Variants in SASH1 observed in about 807,000 individuals in gnomAD.
SASH1 encodes the protein SAM and SH3 domain-containing protein 1.
A neutral mutation model predicts 125.2 loss-of-function variants in SASH1; 44 were observed. The ratio of observed to expected loss-of-function variants is 0.35; its 90% CI spans 0.28 to 0.45. The LOEUF (loss-of-function observed/expected upper bound fraction) is 0.45, where lower values mean the gene tolerates loss of function less well. Ranked by LOEUF, SASH1 falls within the 20% of genes least tolerant of loss-of-function variation. The pLI is 1.00. For synonymous variants in SASH1, 639 were observed against 649.1 expected (o/e 0.98, Z 0.24); for missense variants, 1,426 against 1,614.5 (o/e 0.88, Z 2.00).
intron 7 of SASH1, among the ~76,000 whole-genome samples, chr6:148,486,161 C>G (rs1011522796): frequency 2.6e-5 from 4 of 152,156 alleles, no homozygotes; most frequent in African/African-American, 9.7e-5. Flanking sequence ...GCTCTTGTCG[C>G]CCGGGCTGGA....
intron 8 of SASH1, among the ~76,000 whole-genome samples, chr6:148,490,222 T>C (rs1225366613): frequency 6.6e-6 from 1 of 152,004 alleles, no homozygotes; most frequent in Non-Finnish European, 1.5e-5. Flanking sequence ...ATAGGCTTTT[T>C]TTTTTGATAA....
At position 148,495,777 on chromosome 6, in the gene SASH1, G is replaced by T. The variant is rs1243049083; in HGVS notation, c.729+8062G>T. On this transcript the variant is annotated intron_variant, in intron 8 of 19. Transcript: ENST00000367467. This position sits in a 1 kb window ranked among gnomAD's most constrained non-coding sequence, Gnocchi z 4.0. ...GTACTTCAGTCGGCGTTGTAGGTCC[G>T]GTGAAAGTATCCCCAAGAAAATGAT... 6.6e-6 allele frequency among the ~76,000 whole-genome samples: 1 copy of T among 152,146 alleles called. No homozygotes were observed. The highest frequency in any genetic ancestry group is 2.4e-5 in the African/African-American group (1 of 41,444).
chr6:148,411,928 A>G (rs528035779), intron 2 of SASH1, among the ~76,000 whole-genome samples: 32 of 152,328 alleles, frequency 2.1e-4, no homozygotes, highest in African/African-American at 7.5e-4. Context: ...CCATAATGGG[A>G]ATATTCACCC....
At chr6:148,292,683 G>A (rs1779665690) in intron 1 of SASH1, among the ~76,000 whole-genome samples, 1 of 152,122 alleles carries the variant, frequency 6.6e-6, no homozygotes, top group South Asian at 2.1e-4. Context: ...CAGCAAACTA[G>A]CATCAGGGCA....
chr6:148,516,229 A>C (rs1301854352), intron 9 of SASH1, among the ~76,000 whole-genome samples: 1 of 152,136 alleles, frequency 6.6e-6, no homozygotes, highest in African/African-American at 2.4e-5. Flanking sequence ...CCTAAGGTAC[A>C]CTCTGGCATC....
At chr6:148,454,764 T>A (rs1212859709) in intron 4 of SASH1, among the ~76,000 whole-genome samples, 3 of 152,178 alleles carry the variant, frequency 2.0e-5, no homozygotes, top group Admixed American at 6.5e-5. Flanking sequence ...GGGAGAGATC[T>A]GGAAGGTCTA....
At chr6:148,288,242 GA>G (rs1779537788) in intron 1 of SASH1, among the ~76,000 whole-genome samples, 1 of 152,178 alleles carries the variant, frequency 6.6e-6, no homozygotes, top group Non-Finnish European at 1.5e-5. Context: ...ATCACTTAGA[GA>G]AATCAGAGTA....
At chr6:148,493,722 G>C (rs186582269) in intron 8 of SASH1, among the ~76,000 whole-genome samples, 3,227 of 152,250 alleles carry the variant, frequency 0.021, 117 homozygotes, top group African/African-American at 0.074. Flanking sequence ...AGAGTGTAAA[G>C]TACTAAAGAT....
At chr6:148,194,874 C>G in the SASH1 span, among the ~76,000 whole-genome samples, 1 of 152,216 alleles carries the variant, frequency 6.6e-6, no homozygotes, top group South Asian at 2.1e-4. Context: ...CCACTGCACT[C>G]CAGCCTGGGC....
chr6:148,449,387 TTC>T (rs1776982370), intron 4 of SASH1, among the ~76,000 whole-genome samples: 1 of 130,190 alleles, frequency 7.7e-6, no homozygotes, highest in Admixed American at 7.4e-5. Flanking sequence ...GCTAATTTCT[TTC>T]TTTTTTTTTT....
rs1219863410 is a variant in SASH1 at position 148,519,872 on chromosome 6, T to G, written c.1188T>G (p.Gly396=). Residue 396 remains glycine (G), a synonymous_variant, in exon 10 of 20, where the codon GGT becomes GGG. Transcript: ENST00000367467. The surrounding 1 kb of genome is among the most constrained non-coding windows in gnomAD (Gnocchi z 4.8). ...RSLTEGEMKK[G]LGSLSHGRTC... ...TCACCGAGGGGGAGATGAAGAAGGG[T>G]CTCGGGTCCCTAAGCCACGGGGTAA... The G allele has an allele frequency of 1.3e-6, 2 of 1,584,602 alleles. No homozygotes were observed. The highest frequency in any genetic ancestry group is 1.7e-6 in the Non-Finnish European group (2 of 1,167,366).
intron 2 of SASH1, among the ~76,000 whole-genome samples, chr6:148,393,177 G>C (rs1170191005): frequency 6.7e-6 from 1 of 149,926 alleles, no homozygotes; most frequent in African/African-American, 2.5e-5. Flanking sequence ...CTCCCGAGTA[G>C]CTGGGATTAC....
intron 1 of SASH1, among the ~76,000 whole-genome samples, chr6:148,307,160 C>A (rs538931538): frequency 6.6e-6 from 1 of 151,264 alleles, no homozygotes; most frequent in South Asian, 2.1e-4. Context: ...GCTCTGTCAT[C>A]CAGGCTGGAG....
chr6:148,412,862 G>C (rs1372679660), intron 2 of SASH1, among the ~76,000 whole-genome samples: 1 of 152,102 alleles, frequency 6.6e-6, no homozygotes, highest in Non-Finnish European at 1.5e-5. Flanking sequence ...AGGGTCATAG[G>C]AAAATCATTA....
chr6:148,360,636 A>ACCCCCCCC (rs67278438), intron 1 of SASH1, among the ~76,000 whole-genome samples: 6 of 127,858 alleles, frequency 4.7e-5, no homozygotes, highest in East Asian at 2.4e-4. Context: ...GGCGTGAGCC[A>ACCCCCCCC]CCCCCCCGCC....
intron 12 of SASH1, among the ~76,000 whole-genome samples, chr6:148,530,562 G>T (rs1781453560): frequency 6.6e-6 from 1 of 152,168 alleles, no homozygotes; most frequent in Non-Finnish European, 1.5e-5. Flanking sequence ...TCAGATGTTT[G>T]CAGGACCTGC....
chr6:148,397,091 G>A (rs536935205), intron 2 of SASH1, among the ~76,000 whole-genome samples: 11 of 152,158 alleles, frequency 7.2e-5, no homozygotes, highest in South Asian at 2.1e-4. Flanking sequence ...TACCGTGAAC[G>A]TCCTGTGCCT....
chr6:148,458,972 A>AG (rs1777483948), intron 4 of SASH1, among the ~76,000 whole-genome samples: 1 of 124,302 alleles, frequency 8.0e-6, no homozygotes, highest in Admixed American at 9.1e-5. Context: ...GTCTCAAAAA[A>AG]AAAAAAAGTA....
chr6:148,401,253 C>CA (rs34170572), intron 2 of SASH1, among the ~76,000 whole-genome samples: 1,490 of 112,194 alleles, frequency 0.013, 16 homozygotes, highest in East Asian at 0.085. Flanking sequence ...GACCCTATCT[C>CA]AAAAAAAAAA....
Sources: allele counts gnomAD v4.1 joint callset (sites outside exome capture counted in the v4.1 genomes callset), GRCh38; gene constraint gnomAD v4.1.1; non-coding constraint Gnocchi (gnomAD v3.1); transcripts MANE v1.5; gene names NCBI Gene and HGNC (gene_info 2026-07-23, HGNC 2026-07-21).